Variants in GABPB2 observed in about 807,000 individuals in gnomAD.
GABPB2 encodes GA binding protein transcription factor subunit beta 2, also known as GA-binding protein subunit beta-2.
A neutral mutation model predicts 39.1 loss-of-function variants in GABPB2; 23 were observed. The ratio of observed to expected loss-of-function variants is 0.59; its 90% CI spans 0.42 to 0.83. The LOEUF (loss-of-function observed/expected upper bound fraction) is 0.83. Ranked by LOEUF, GABPB2 falls within the 40% of genes least tolerant of loss-of-function variation. The probability of loss-of-function intolerance (pLI) is 0.00; values close to 1 mark genes in which losing one functional copy is unlikely to be tolerated. For synonymous variants in GABPB2, 184 were observed against 199.3 expected (o/e 0.92, Z 0.65); for missense variants, 467 against 541.1 (o/e 0.86, Z 1.36).
chr1:151,083,829 C>T (rs11204772), intron 1 of GABPB2, among the ~76,000 whole-genome samples: 88,739 of 150,058 alleles, frequency 0.59, 29,239 homozygotes, highest in East Asian at 0.89. Context: ...GCAACCTCCA[C>T]CTCCCAGATT....
intron 3 of GABPB2, among the ~76,000 whole-genome samples, chr1:151,092,731 G>A (rs1317018677): frequency 1.3e-5 from 2 of 151,786 alleles, no homozygotes; most frequent in South Asian, 4.2e-4. Flanking sequence ...GTACTACCAC[G>A]CCTGGCTAAT....
rs1681274207 is a variant in GABPB2, at chr1:151,123,908, TG to T, written c.*5654del. ...AATAAGTAAAGCTGCTGGCCAGACA[TG>T]GTGGCTCACGCCTGTAATCCCAGCA... On this transcript the variant is annotated 3_prime_UTR_variant, in exon 9 of 9. Transcript: ENST00000368918. 2 of 149,054 alleles carry T rather than the reference TG, an allele frequency of 1.3e-5. No homozygotes were observed. Among genetic ancestry groups the T allele is most frequent in the East Asian group, 4.0e-4 (2 of 4,980 alleles). The allele number at this position is 149,054 out of a possible 1,614,324, so 9.2% of individuals were successfully genotyped here. A position where few individuals can be genotyped will look rare whatever the true frequency, so the allele number is the denominator to read the frequency against.
At chr1:151,079,835 G>A (rs1277785614) in intron 1 of GABPB2, among the ~76,000 whole-genome samples, 1 of 151,928 alleles carries the variant, frequency 6.6e-6, no homozygotes, top group Admixed American at 6.6e-5. Flanking sequence ...GGCGGAGATT[G>A]CAGTGAGCTG....
chr1:151,117,677 G>A (rs1194292345), intron 8 of GABPB2, among the ~76,000 whole-genome samples, 161 bp downstream of exon 8: 4 of 152,076 alleles, frequency 2.6e-5, no homozygotes, highest in African/African-American at 7.2e-5. Context: ...TCCGCCTCCC[G>A]GGCTCAAGTG....
chr1:151,116,401 CAAAAA>C (rs11430501), intron 7 of GABPB2, among the ~76,000 whole-genome samples: 4 of 124,324 alleles, frequency 3.2e-5, no homozygotes, highest in African/African-American at 1.3e-4. Flanking sequence ...AATTCCATCT[CAAAAA>C]AAAAAAAAAA....
At chr1:151,107,460 A>G (rs1417683924) in intron 7 of GABPB2, among the ~76,000 whole-genome samples, 1 of 151,824 alleles carries the variant, frequency 6.6e-6, no homozygotes, top group Non-Finnish European at 1.5e-5. Context: ...AACAAATAAT[A>G]TGAACCAATA....
chr1:151,117,423 G>T lies in GABPB2; in HGVS notation c.954G>T (p.Glu318Asp). The part of the protein sequence containing the change: ...VLTVPAGKVA[E>D]ETVIKEEEEE... ...CTGTACCTGCTGGTAAGGTTGCAGA[G>T]GAGACTGTAATTAAAGAGGAAGAAG... Residue 318 changes from glutamate to aspartate, a missense_variant, in exon 8 of 9, where the codon GAG becomes GAT. Glu to Asp is a conservative substitution (Grantham distance 45, BLOSUM62 2). Transcript: ENST00000368918. 2 of 1,613,804 alleles carry T rather than the reference G, an allele frequency of 1.2e-6. No individual in the cohort carries two copies. The highest frequency in any genetic ancestry group is 1.7e-6 in the Non-Finnish European group (2 of 1,179,778).
chr1:151,110,762 A>G lies in GABPB2; in HGVS notation c.922+3540A>G, dbSNP rs141621414. Among the ~76,000 whole-genome samples the G allele has an allele frequency of 7.6e-4, 116 of 152,268 alleles. 3 individuals carry two copies. The East Asian group carries it at 0.019, about 24-fold the overall frequency. On this transcript the variant is annotated intron_variant, in intron 7 of 8. Transcript: ENST00000368918. The stretch of plus-strand genomic sequence containing the variant: ...AGGCATGAGCCACTGTGCTCAGCCT[A>G]TACTACTTTTTACAAATATGTTTAA...
intron 3 of GABPB2, 131 bp downstream of exon 3, chr1:151,090,704 C>T (rs776146548): frequency 8.0e-6 from 7 of 873,084 alleles, no homozygotes; most frequent in Non-Finnish European, 1.2e-5. Context: ...TAAGTTGCAT[C>T]TCCAGGAGTC....
chr1:151,074,136 C>T (rs587753222), intron 1 of GABPB2, among the ~76,000 whole-genome samples: 13 of 150,652 alleles, frequency 8.6e-5, no homozygotes, highest in South Asian at 6.3e-4. Flanking sequence ...CCACGGCGCC[C>T]GGCTAATTTT....
chr1:151,085,584 G>A (rs587676431), intron 1 of GABPB2, among the ~76,000 whole-genome samples: 32 of 152,100 alleles, frequency 2.1e-4, no homozygotes, highest in African/African-American at 7.7e-4. Context: ...GGGACTACAG[G>A]CATCTGCCAC....
chr1:151,076,264 T>G lies in GABPB2; in HGVS notation c.-1+5330T>G, dbSNP rs148571819. Among the ~76,000 whole-genome samples, 148 of 152,278 alleles carry G rather than the reference T, an allele frequency of 9.7e-4. 3 individuals carry two copies. In the East Asian group the frequency reaches 0.028, roughly 28 times the overall value. On this transcript the variant is annotated intron_variant, in intron 1 of 8. Transcript: ENST00000368918. ...AGCTGATTTGGGGTTACTAGCTGAT[T>G]CCAGTATGTGCCCAGAATTAGAATA...
intron 4 of GABPB2, among the ~76,000 whole-genome samples, chr1:151,096,856 A>G (rs1379444431): frequency 6.6e-6 from 1 of 152,208 alleles, no homozygotes; most frequent in African/African-American, 2.4e-5. Context: ...ATAATTAATC[A>G]TAAAATGTTA....
At chr1:151,088,126 T>A (rs1477351452) in intron 1 of GABPB2, 64 bp from the exon 2 acceptor site, 18 of 1,122,202 alleles carry the variant, frequency 1.6e-5, no homozygotes, top group Non-Finnish European at 1.7e-5. Flanking sequence ...CTAAAAAATG[T>A]ATTGGCGGCT....
chr1:151,081,840 T>G (rs1169593790), intron 1 of GABPB2, among the ~76,000 whole-genome samples: 1 of 151,946 alleles, frequency 6.6e-6, no homozygotes, highest in East Asian at 1.9e-4. Flanking sequence ...TTTCACTATG[T>G]TGGCCAGGCT....
chr1:151,091,409 A>ATT (rs1198497263), intron 3 of GABPB2, among the ~76,000 whole-genome samples: 1 of 127,166 alleles, frequency 7.9e-6, no homozygotes, highest in South Asian at 2.5e-4. Context: ...TATTAAAACA[A>ATT]TTTTTTTTTT....
At chr1:151,073,979 CTTTT>C (rs587690492) in intron 1 of GABPB2, among the ~76,000 whole-genome samples, 1 of 129,050 alleles carries the variant, frequency 7.7e-6, no homozygotes, top group African/African-American at 2.9e-5. Context: ...ATGGTTATTT[CTTTT>C]TTTTTTTTTT....
chr1:151,102,040 G>A (rs1228552848), intron 5 of GABPB2, among the ~76,000 whole-genome samples: 3 of 152,140 alleles, frequency 2.0e-5, no homozygotes, highest in African/African-American at 7.2e-5. Flanking sequence ...GTACATCTTG[G>A]CTGGACACAG....
chr1:151,103,775 T>A, intron 6 of GABPB2, 100 bp downstream of exon 6: 1 of 784,148 alleles, frequency 1.3e-6, no homozygotes, highest in Non-Finnish European at 2.1e-6. Flanking sequence ...AAGAATTGCA[T>A]TTAATTAGAG....
Sources: gnomAD v4.1 joint callset for allele counts (sites outside exome capture counted in the v4.1 genomes callset) on GRCh38, gnomAD v4.1.1 for gene constraint, MANE v1.5 for transcripts, NCBI Gene and HGNC (gene_info 2026-07-23, HGNC 2026-07-21) for gene names.